The following TAFA2 variants were observed in gnomAD, a reference collection of about 807,000 sequenced individuals.
TAFA2 encodes chemokine-like protein TAFA-2.
A neutral mutation model predicts 18.8 loss-of-function variants in TAFA2; 7 were observed. That is an observed-to-expected ratio of 0.37 (90% CI 0.21 to 0.70). TAFA2 has a LOEUF of 0.70. Among genes scored for constraint, TAFA2 ranks in the 30% least tolerant of loss-of-function variants. TAFA2 has a pLI of 0.53. For synonymous variants in TAFA2, 60 were observed against 54.2 expected, an observed-to-expected ratio of 1.11 and a Z score of -0.47; for missense variants, 122 against 158.1, an observed-to-expected ratio of 0.77 and a Z score of 1.23.
At chr12:61,801,910 C>T (rs911543661) in intron 2 of TAFA2, among the ~76,000 whole-genome samples, 1 of 151,922 alleles carries the variant, frequency 6.6e-6, no homozygotes, top group South Asian at 2.1e-4. Flanking sequence ...AACAACTCTA[C>T]AACAACAAAA....
At chr12:61,723,384 A>G (rs1366351724) in intron 4 of TAFA2, among the ~76,000 whole-genome samples, 2 of 152,182 alleles carry the variant, frequency 1.3e-5, no homozygotes, top group Non-Finnish European at 2.9e-5. Context: ...GAGATGAATA[A>G]ATAAATGAAC....
chr12:61,894,210 T>C (rs1875747930), intron 1 of TAFA2, among the ~76,000 whole-genome samples: 1 of 152,238 alleles, frequency 6.6e-6, no homozygotes, highest in Non-Finnish European at 1.5e-5. Context: ...ACACCAAAGT[T>C]GAGGTTTTTC....
chr12:62,195,654 T>G (rs2062645733), upstream of TAFA2, among the ~76,000 whole-genome samples: 1 of 152,240 alleles, frequency 6.6e-6, no homozygotes, highest in South Asian at 2.1e-4. Context: ...GGAATCTTTT[T>G]GTGAAGCCAG....
At chr12:61,781,891 G>A (rs1219760396) in intron 2 of TAFA2, among the ~76,000 whole-genome samples, 1 of 151,404 alleles carries the variant, frequency 6.6e-6, no homozygotes, top group Non-Finnish European at 1.5e-5. Flanking sequence ...TGGTTGCCGG[G>A]GGAAAAAGTA....
chr12:61,929,073 G>T (rs975608798), intron 1 of TAFA2, among the ~76,000 whole-genome samples: 2 of 151,798 alleles, frequency 1.3e-5, no homozygotes, highest in Non-Finnish European at 2.9e-5. Context: ...TGGGTTGATG[G>T]GTGCCGCAAA....
At chr12:62,202,493 A>G (rs1354444476) in intron 1 of TAFA2, among the ~76,000 whole-genome samples, 1 of 151,882 alleles carries the variant, frequency 6.6e-6, no homozygotes, top group Non-Finnish European at 1.5e-5. Flanking sequence ...ACCCACCACC[A>G]TGCCCAGCTA....
intron 1 of TAFA2, among the ~76,000 whole-genome samples, chr12:62,239,873 A>C (rs2062854209): frequency 5.3e-5 from 8 of 152,192 alleles, no homozygotes; most frequent in Admixed American, 5.2e-4. Flanking sequence ...AAGTTTCATG[A>C]GTTAAATAAA....
At chr12:62,050,521 G>A (rs549329202) in intron 1 of TAFA2, among the ~76,000 whole-genome samples, 42 of 151,512 alleles carry the variant, frequency 2.8e-4, no homozygotes, top group Non-Finnish European at 5.3e-4. Context: ...GCAGTGAGCC[G>A]AGATAGTGCC....
chr12:61,878,651 C>T (rs1565666514), intron 1 of TAFA2, among the ~76,000 whole-genome samples: 1 of 152,110 alleles, frequency 6.6e-6, no homozygotes. Flanking sequence ...TAATTTTGAG[C>T]TTGGTTGCTC....
chr12:62,209,807 G>A (rs1249652814), intron 1 of TAFA2, among the ~76,000 whole-genome samples: 1 of 152,104 alleles, frequency 6.6e-6, no homozygotes, highest in Non-Finnish European at 1.5e-5. Context: ...TTATCTCTTT[G>A]TTTTTGTAAT....
chr12:61,829,155 A>G (rs1175603321), intron 2 of TAFA2, among the ~76,000 whole-genome samples: 1 of 151,644 alleles, frequency 6.6e-6, no homozygotes, highest in Admixed American at 6.6e-5. Flanking sequence ...TGAGCTGTCT[A>G]TTGGACACTT....
intron 2 of TAFA2, among the ~76,000 whole-genome samples, chr12:61,844,860 C>A (rs1592429234): frequency 6.6e-6 from 1 of 152,156 alleles, no homozygotes; most frequent in Middle Eastern, 3.4e-3. Context: ...ACTCATCTGG[C>A]AGTATCACAG....
At position 62,109,289 on chromosome 12, in the gene TAFA2, T is replaced by C. The variant is rs563569205; in HGVS notation, c.-2+81970A>G. Reference sequence around the variant, plus strand: ...AGGTTTGTCGAAGATCAGATCGTTGTAGATGTGTAGCATTATTTCTGAGGC... The same window carrying C: ...AGGTTTGTCGAAGATCAGATCGTTGCAGATGTGTAGCATTATTTCTGAGGC... On this transcript the variant is annotated intron_variant, in intron 1 of 4. Transcript: ENST00000416284. Among the ~76,000 whole-genome samples, 14 of 152,346 alleles carry C rather than the reference T, an allele frequency of 9.2e-5. No homozygotes were observed. In the South Asian group the frequency reaches 2.7e-3, roughly 29 times the overall value.
intron 4 of TAFA2, among the ~76,000 whole-genome samples, chr12:61,710,642 A>T (rs1235877989): frequency 6.6e-6 from 1 of 152,088 alleles, no homozygotes; most frequent in East Asian, 1.9e-4. Flanking sequence ...TTGCACAATT[A>T]TCCAAGTGAA....
At chr12:61,885,160 T>G (rs910024867) in intron 1 of TAFA2, among the ~76,000 whole-genome samples, 3 of 152,224 alleles carry the variant, frequency 2.0e-5, no homozygotes, top group East Asian at 1.9e-4. Flanking sequence ...TGAAGTGACT[T>G]GCTCAGTCAG....
chr12:61,853,596 A>G (rs1873767238), intron 2 of TAFA2, among the ~76,000 whole-genome samples: 2 of 152,178 alleles, frequency 1.3e-5, no homozygotes, highest in South Asian at 2.1e-4. Flanking sequence ...CATCACGTCC[A>G]TCCTGGAAGG....
intron 1 of TAFA2, among the ~76,000 whole-genome samples, chr12:62,236,705 T>A (rs1169518235): frequency 6.6e-6 from 1 of 152,254 alleles, no homozygotes; most frequent in Non-Finnish European, 1.5e-5. Context: ...CTGCTTTATG[T>A]TTGAAGGAAA....
intron 1 of TAFA2, among the ~76,000 whole-genome samples, chr12:61,992,252 G>A (rs1198946315): frequency 3.3e-5 from 5 of 152,194 alleles, no homozygotes; most frequent in Admixed American, 1.3e-4. Context: ...TAGAATGTTT[G>A]ATAATTTCTC....
At chr12:61,972,041 G>C (rs553840528) in intron 1 of TAFA2, among the ~76,000 whole-genome samples, 47 of 151,366 alleles carry the variant, frequency 3.1e-4, no homozygotes, top group African/African-American at 1.0e-3. Flanking sequence ...TTGAATAAAT[G>C]ATTTTTGATT....
Sources: gnomAD v4.1 joint callset for allele counts (sites outside exome capture counted in the v4.1 genomes callset) on GRCh38, gnomAD v4.1.1 for gene constraint, MANE v1.5 for transcripts, NCBI Gene and HGNC (gene_info 2026-07-23, HGNC 2026-07-21) for gene names.